Variants in YAF2 observed in about 807,000 individuals in gnomAD.
YAF2 encodes YY1 associated factor 2, also known as YY1-associated factor 2.
Under a neutral mutation model 20.1 loss-of-function variants are expected in YAF2, and 7 were observed. That is an observed-to-expected ratio of 0.35 (90% CI 0.20 to 0.65). The LOEUF (loss-of-function observed/expected upper bound fraction) is 0.65. YAF2 is among the 30% of genes least tolerant of loss of function. The pLI, the probability that YAF2 is intolerant of heterozygous loss-of-function variation, is 0.69. For synonymous variants in YAF2, 74 were observed against 76.0 expected (o/e 0.97, Z 0.14); for missense variants, 151 against 219.2 (o/e 0.69, Z 1.96).
At chr12:42,201,908 A>G (rs1301606209) in intron 2 of YAF2, among the ~76,000 whole-genome samples, 2 of 152,084 alleles carry the variant, frequency 1.3e-5, no homozygotes, top group Non-Finnish European at 1.5e-5. Context: ...TTCCTTTTTG[A>G]GGCAACAAAA....
At chr12:42,228,084 C>T (rs1372749906) in intron 2 of YAF2, among the ~76,000 whole-genome samples, 1 of 101,026 alleles carries the variant, frequency 9.9e-6, no homozygotes, top group Admixed American at 8.7e-5. Context: ...CTCTGCCCAG[C>T]CGCCCCTACT....
intron 2 of YAF2, among the ~76,000 whole-genome samples, chr12:42,219,512 G>A (rs2067453556): frequency 6.6e-6 from 1 of 152,118 alleles, no homozygotes; most frequent in Non-Finnish European, 1.5e-5. Context: ...AGAAGTGTTT[G>A]CTAAACAGAA....
chr12:42,237,824 A>G, intron 1 of YAF2, 100 bp from the exon 2 acceptor site: 1 of 838,790 alleles, frequency 1.2e-6, no homozygotes, highest in Non-Finnish European at 1.4e-6. Context: ...CCCCGCCCCA[A>G]TTCTGCGACC....
At chr12:42,177,865 A>T (rs1442626260) in intron 2 of YAF2, among the ~76,000 whole-genome samples, 1 of 152,184 alleles carries the variant, frequency 6.6e-6, no homozygotes, top group African/African-American at 2.4e-5. Context: ...ACAAAACAGC[A>T]TTCTACTCTC....
In YAF2 at chr12:42,159,212, T is replaced by A. The variant is rs891643343; in HGVS notation, c.*1377A>T. 7 of 152,308 alleles carry A rather than the reference T, an allele frequency of 4.6e-5. No individual in the cohort carries two copies. In the South Asian group the frequency reaches 1.4e-3, roughly 32 times the overall value. The allele number at this position is 152,308 out of a possible 1,614,324, so 9.4% of individuals were successfully genotyped here. On this transcript the variant is annotated 3_prime_UTR_variant, in exon 4 of 4. Coordinates refer to ENST00000534854, the MANE Select transcript of YAF2 (RefSeq NM_005748.6). ...TCACAACTGTTAGGGTCTACAGTTTTATTTTTTCTTCAAATGTTATCATGA... is the reference window on the plus strand; with the variant it reads ...TCACAACTGTTAGGGTCTACAGTTTAATTTTTTCTTCAAATGTTATCATGA...
At chr12:42,164,069 G>A (rs1432899017) in intron 2 of YAF2, among the ~76,000 whole-genome samples, 1 of 152,222 alleles carries the variant, frequency 6.6e-6, no homozygotes, top group Non-Finnish European at 1.5e-5. Flanking sequence ...TAATGCCAAA[G>A]GTTCTGTGAT....
At chr12:42,232,236 G>C (rs1388573013) in intron 2 of YAF2, 1 of 176,770 alleles carries the variant, frequency 5.7e-6, no homozygotes, top group African/African-American at 2.4e-5. Context: ...TGGTGCCACT[G>C]CTTTGATTCA....
chr12:42,169,949 C>T (rs978186007), intron 2 of YAF2, among the ~76,000 whole-genome samples: 2 of 152,034 alleles, frequency 1.3e-5, no homozygotes, highest in Non-Finnish European at 2.9e-5. Flanking sequence ...CAACTCACTA[C>T]AGCCTCAACC....
intron 2 of YAF2, among the ~76,000 whole-genome samples, chr12:42,178,116 A>C (rs1173639463): frequency 1.3e-5 from 2 of 152,206 alleles, no homozygotes; most frequent in African/African-American, 4.8e-5. Context: ...AAATATGTAC[A>C]TCTATTTTGT....
At chr12:42,208,417 C>T (rs1291478683) in intron 2 of YAF2, among the ~76,000 whole-genome samples, 1 of 149,062 alleles carries the variant, frequency 6.7e-6, no homozygotes, top group Non-Finnish European at 1.5e-5. Context: ...TCGAGTGAGA[C>T]TCTGTCTCAC....
chr12:42,165,111 T>G (rs891234894), intron 2 of YAF2, among the ~76,000 whole-genome samples: 3 of 151,310 alleles, frequency 2.0e-5, no homozygotes, highest in African/African-American at 7.3e-5. Context: ...TAAATTTTAT[T>G]GCACATTTAC....
intron 2 of YAF2, among the ~76,000 whole-genome samples, chr12:42,229,274 C>T (rs1223488135): frequency 1.6e-5 from 2 of 123,596 alleles, no homozygotes; most frequent in South Asian, 3.1e-4. Context: ...ACAAACACTG[C>T]GGAAGGCCGC....
At chr12:42,170,708 T>C (rs2066025276) in intron 2 of YAF2, among the ~76,000 whole-genome samples, 1 of 152,078 alleles carries the variant, frequency 6.6e-6, no homozygotes, top group Non-Finnish European at 1.5e-5. Flanking sequence ...TAGCTGGGCA[T>C]GGTGGCAAGC....
intron 2 of YAF2, among the ~76,000 whole-genome samples, chr12:42,204,475 A>C (rs1430423168): frequency 2.6e-5 from 4 of 152,210 alleles, no homozygotes; most frequent in African/African-American, 9.6e-5. Flanking sequence ...CACTTGGGTT[A>C]TATTAGATAT....
At chr12:42,189,336 G>C (rs932323824) in intron 2 of YAF2, among the ~76,000 whole-genome samples, 7 of 152,356 alleles carry the variant, frequency 4.6e-5, no homozygotes, top group African/African-American at 1.4e-4. Flanking sequence ...GAATCAGAAA[G>C]AACAGGCAGT....
At chr12:42,233,448 C>T in intron 2 of YAF2, 3 of 978,832 alleles carry the variant, frequency 3.1e-6, no homozygotes, top group Non-Finnish European at 3.6e-6. Flanking sequence ...TTAATCATCA[C>T]ACATTGATTA....
chr12:42,235,285 A>G, intron 2 of YAF2: 1 of 999,078 alleles, frequency 1.0e-6, no homozygotes, highest in Non-Finnish European at 1.2e-6. Flanking sequence ...TTAATAAGTC[A>G]ATTATGGAGA....
intron 2 of YAF2, among the ~76,000 whole-genome samples, chr12:42,223,702 A>G (rs1183374187): frequency 1.3e-5 from 2 of 152,138 alleles, no homozygotes; most frequent in Non-Finnish European, 2.9e-5. Flanking sequence ...GCCATAAAAA[A>G]GGATGAGTTC....
intron 2 of YAF2, among the ~76,000 whole-genome samples, chr12:42,166,686 T>A (rs2065924080): frequency 6.6e-6 from 1 of 152,182 alleles, no homozygotes; most frequent in Admixed American, 6.5e-5. Flanking sequence ...AATTTCAACA[T>A]CACTACAATT....
Sources: gnomAD v4.1 joint callset for allele counts (sites outside exome capture counted in the v4.1 genomes callset) on GRCh38, gnomAD v4.1.1 for gene constraint, MANE v1.5 for transcripts, NCBI Gene and HGNC (gene_info 2026-07-23, HGNC 2026-07-21) for gene names.